The following RASGRP2 variants were observed in gnomAD, a reference collection of about 807,000 sequenced individuals.
RASGRP2 encodes RAS guanyl releasing protein 2, also known as RAS guanyl-releasing protein 2.
RASGRP2 carries 44 observed loss-of-function variants against 71.0 expected under a neutral mutation model. The observed-to-expected ratio is 0.62, with a 90% confidence interval of 0.49 to 0.80. The LOEUF (loss-of-function observed/expected upper bound fraction) is 0.80, where lower values mean the gene tolerates loss of function less well. Ranked by LOEUF, RASGRP2 falls within the 30% of genes least tolerant of loss-of-function variation. The pLI, the probability that RASGRP2 is intolerant of heterozygous loss-of-function variation, is 0.00. For missense variants in RASGRP2, 663 were observed against 813.4 expected (o/e 0.82, Z 2.25); for synonymous variants, 350 against 330.7 (o/e 1.06, Z -0.63).
Position 64,744,070 on chromosome 11 carries a change from G to C in RASGRP2, c.-139C>G. 1.0e-6 allele frequency: 1 copy of C among 987,988 alleles called. No individual in the cohort carries two copies. The highest frequency in any genetic ancestry group is 1.2e-6 in the Non-Finnish European group (1 of 830,820). 61.2% of individuals were successfully genotyped at this position (987,988 alleles called of 1,614,324 possible). On this transcript the variant is annotated 5_prime_UTR_variant, in exon 1 of 17. Transcript: ENST00000394432. ...CCTCCTGGACGTGCTGTTCACTTGAGCCAGGCCAGCCTTGAGTCCCGCGGC... is the reference window on the plus strand; with the variant it reads ...CCTCCTGGACGTGCTGTTCACTTGACCCAGGCCAGCCTTGAGTCCCGCGGC...
Position 64,742,978 on chromosome 11 carries a change from G to T in RASGRP2, c.-71-41C>A. ...CAGAGCGGGAGTCTGCGGAGTCGCG[G>T]GCGGGGGAGCGGCCCCGCGGGCAGA... On this transcript the variant is annotated intron_variant, in intron 1 of 16. Transcript: ENST00000394432. The surrounding 1 kb of genome is among the most constrained non-coding windows in gnomAD (Gnocchi z 4.7). 1 of 1,509,908 alleles carries T rather than the reference G, an allele frequency of 6.6e-7. No individual in the cohort carries two copies. Among genetic ancestry groups the T allele is most frequent in the Non-Finnish European group, 8.8e-7 (1 of 1,133,718 alleles). 93.5% of individuals were successfully genotyped at this position (1,509,908 alleles called of 1,614,324 possible).
At chr11:64,727,236 TCCCCAGCTCCC>T in intron 16 of RASGRP2, 49 bp downstream of exon 16, 1 of 1,492,980 alleles carries the variant, frequency 6.7e-7, no homozygotes, top group Non-Finnish European at 9.3e-7. Context: ...TCCCTGATAC[TCCCCAGCTCCC>T]CCCCAGCCCT....
Position 64,741,319 on chromosome 11 carries a change from G to A in RASGRP2, c.239+120C>T, listed in dbSNP as rs373740185. ...GAGCCTGTGGCAGCACTGCCCACCC[G>A]GACAAGCCAGGGTTCAAACCCACTC... On this transcript the variant is annotated intron_variant, in intron 4 of 16. Coordinates refer to ENST00000394432, the MANE Select transcript of RASGRP2 (RefSeq NM_001098671.2). 377 of 1,223,342 alleles carry A rather than the reference G, an allele frequency of 3.1e-4. 3 individuals carry two copies. In the African/African-American group the frequency reaches 4.8e-3, roughly 16 times the overall value. 75.8% of individuals were successfully genotyped at this position (1,223,342 alleles called of 1,614,324 possible).
intron 15 of RASGRP2, 127 bp from the exon 16 acceptor site, chr11:64,727,487 T>G: frequency 2.3e-5 from 15 of 664,820 alleles, no homozygotes; most frequent in East Asian, 3.2e-5. Flanking sequence ...ATCAATTCCC[T>G]GCATGACCTC....
intron 5 of RASGRP2, 95 bp from the exon 6 acceptor site, chr11:64,740,258 C>T (rs755155290): frequency 6.6e-7 from 1 of 1,509,764 alleles, no homozygotes; most frequent in East Asian, 2.3e-5. Context: ...TACTGAGAAC[C>T]TACATAATGC....
At chr11:64,729,641 G>A (rs1302992834) in intron 14 of RASGRP2, 121 bp downstream of exon 14, 15 of 1,261,472 alleles carry the variant, frequency 1.2e-5, no homozygotes, top group Admixed American at 5.1e-5. Context: ...CCGGCCATGC[G>A]CCTCTGATTT....
At chr11:64,741,121 C>G in intron 4 of RASGRP2, 42 bp from the exon 5 acceptor site, 2 of 1,605,626 alleles carry the variant, frequency 1.2e-6, no homozygotes, top group South Asian at 1.1e-5. Context: ...CTTCCCCCAC[C>G]ATCACCCAGC....
Position 64,727,824 on chromosome 11 carries a change from A to G in RASGRP2, c.1772-464T>C, listed in dbSNP as rs562820512. Among the ~76,000 whole-genome samples, 4 of 152,104 alleles carry G rather than the reference A, an allele frequency of 2.6e-5. No individual in the cohort carries two copies. In the East Asian group the frequency reaches 7.7e-4, roughly 29 times the overall value. On this transcript the variant is annotated intron_variant, in intron 15 of 16. Transcript: ENST00000394432. ...GAGCCACCATGCCCGGCCTCAGCCC[A>G]ATTTTTGAGGCTCTTTTTCTATGTT...
chr11:64,730,226 G>C (rs1009506105), intron 12 of RASGRP2, 32 bp from the exon 13 acceptor site: 3 of 1,551,320 alleles, frequency 1.9e-6, no homozygotes, highest in Non-Finnish European at 2.6e-6. Context: ...CTTCAGCTCG[G>C]GCCCTCCCCA....
chr11:64,738,359 G>A (rs996651658), intron 8 of RASGRP2, among the ~76,000 whole-genome samples: 1 of 152,058 alleles, frequency 6.6e-6, no homozygotes, highest in Non-Finnish European at 1.5e-5. Context: ...GGCCTGGCAA[G>A]GTTCTATTTC....
intron 15 of RASGRP2, among the ~76,000 whole-genome samples, chr11:64,727,669 C>G (rs7930520): frequency 6.6e-6 from 1 of 152,042 alleles, no homozygotes; most frequent in Non-Finnish European, 1.5e-5. Flanking sequence ...CCTGCCACCA[C>G]GCCCAGCTAA....
chr11:64,728,634 C>T (rs1310548828), intron 15 of RASGRP2, among the ~76,000 whole-genome samples: 1 of 152,034 alleles, frequency 6.6e-6, no homozygotes, highest in African/African-American at 2.4e-5. Flanking sequence ...GGGGTTTCAC[C>T]GTGTTAGCCA....
At position 64,736,763 on chromosome 11, in the gene RASGRP2, C is replaced by T. The variant is rs1179031027; in HGVS notation, c.1085G>A (p.Ser362Asn). The T allele has an allele frequency of 1.1e-5, 18 of 1,589,674 alleles. No individual in the cohort carries two copies. Among genetic ancestry groups the T allele is most frequent in the Non-Finnish European group, 1.5e-5 (17 of 1,168,678 alleles). Residue 362 changes from serine (S) to asparagine (N), a missense_variant, in exon 9 of 17, where the codon AGC (serine) becomes AAC (asparagine). Coordinates refer to ENST00000394432, the MANE Select transcript of RASGRP2 (RefSeq NM_001098671.2). Reference sequence around the variant, plus strand: ...CCCCCTGCTCCTCACCGTGAGCAGGCTCAGCAGGTCGGGGTTGGCCTGTAC... The same window carrying T: ...CCCCCTGCTCCTCACCGTGAGCAGGTTCAGCAGGTCGGGGTTGGCCTGTAC... ...PPVQANPDLL[S>N]LLTVSLDQYQ...
At chr11:64,729,614 G>A (rs527775247) in intron 14 of RASGRP2, 148 bp downstream of exon 14, 3 of 1,025,092 alleles carry the variant, frequency 2.9e-6, no homozygotes, top group African/African-American at 3.2e-5. Context: ...TGGGATTACA[G>A]GCTTGAGCCA....
chr11:64,734,970 C>T, intron 12 of RASGRP2, 142 bp downstream of exon 12: 1 of 709,332 alleles, frequency 1.4e-6, no homozygotes, highest in Middle Eastern at 2.5e-4. Flanking sequence ...CCCACAAAAG[C>T]AAGTGCCCTT....
intron 12 of RASGRP2, among the ~76,000 whole-genome samples, chr11:64,732,545 G>A (rs1228633896): frequency 1.3e-5 from 2 of 152,218 alleles, no homozygotes; most frequent in East Asian, 1.9e-4. Context: ...TGTAATCCCA[G>A]CACTTTGGGA....
chr11:64,729,524 G>C (rs1017188082), intron 14 of RASGRP2, among the ~76,000 whole-genome samples: 2 of 151,964 alleles, frequency 1.3e-5, no homozygotes, highest in African/African-American at 4.8e-5. Flanking sequence ...TTTAGTAGAG[G>C]CGGGGTTGCG....
rs767439501 is a variant in RASGRP2 at position 64,742,190 on chromosome 11, C to T, written c.74-78G>A. 6.9e-6 allele frequency: 8 copies of T among 1,155,602 alleles called. No homozygotes were observed. Among genetic ancestry groups the T allele is most frequent in the Non-Finnish European group, 7.6e-6 (6 of 786,966 alleles). 71.6% of individuals were successfully genotyped at this position (1,155,602 alleles called of 1,614,324 possible). A position where few individuals can be genotyped will look rare whatever the true frequency, so the allele number is the denominator to read the frequency against. On this transcript the variant is annotated intron_variant, in intron 2 of 16. Transcript: ENST00000394432. This position sits in a 1 kb window ranked among gnomAD's most constrained non-coding sequence, Gnocchi z 4.7. ...GCCTCATCCTCACCCCGCAACCCGC[C>T]AGGTATCGGTCCTTCGGGTGCACGC...
At position 64,743,765 on chromosome 11, in the gene RASGRP2, G is replaced by C; in HGVS notation, c.-72+238C>G. ...GGGGCGCTCGCGCCAAGGGTGGCCG[G>C]TGGGTGCATGACACCATTAGCAACT... On this transcript the variant is annotated intron_variant, in intron 1 of 16. Transcript: ENST00000394432. The surrounding 1 kb of genome is among the most constrained non-coding windows in gnomAD (Gnocchi z 4.9). The C allele has an allele frequency of 3.2e-6, 1 of 308,084 alleles. No homozygotes were observed. Among genetic ancestry groups the C allele is most frequent in the South Asian group, 2.4e-5 (1 of 40,960 alleles). The allele number at this position is 308,084 out of a possible 1,614,324, so 19.1% of individuals were successfully genotyped here.
Sources: gnomAD v4.1 joint callset for allele counts (sites outside exome capture counted in the v4.1 genomes callset) on GRCh38, gnomAD v4.1.1 for gene constraint, Gnocchi (gnomAD v3.1) non-coding constraint, MANE v1.5 for transcripts, NCBI Gene and HGNC (gene_info 2026-07-23, HGNC 2026-07-21) for gene names.